The following CFAP20DC variants were observed in gnomAD, a reference collection of about 807,000 sequenced individuals.
The protein encoded by CFAP20DC is protein CFAP20DC.
Under a neutral mutation model 101.7 loss-of-function variants are expected in CFAP20DC, and 84 were observed. The observed-to-expected ratio is 0.83, with a 90% confidence interval of 0.69 to 0.99. The LOEUF (loss-of-function observed/expected upper bound fraction) is 0.99. Among genes scored for constraint, CFAP20DC ranks in the 50% least tolerant of loss-of-function variants. CFAP20DC has a pLI of 0.00. For missense variants in CFAP20DC, 1,007 were observed against 970.3 expected (o/e 1.04, Z -0.50); for synonymous variants, 359 against 351.2 (o/e 1.02, Z -0.25).
intron 2 of CFAP20DC, 113 bp downstream of exon 2, chr3:59,047,052 T>C: frequency 2.9e-6 from 2 of 686,914 alleles, no homozygotes; most frequent in Non-Finnish European, 4.9e-6. Context: ...TGAAAGGGTT[T>C]TGGAGTGAAA....
chr3:58,789,156 T>A (rs1321089936), intron 15 of CFAP20DC, among the ~76,000 whole-genome samples: 1 of 152,142 alleles, frequency 6.6e-6, no homozygotes, highest in Non-Finnish European at 1.5e-5. Flanking sequence ...TTTTAGAGAG[T>A]TATAAGGCAA....
chr3:58,855,770 G>T (rs1420219061), intron 12 of CFAP20DC, among the ~76,000 whole-genome samples: 2 of 147,020 alleles, frequency 1.4e-5, no homozygotes, highest in Non-Finnish European at 1.5e-5. Flanking sequence ...TCACTCATAG[G>T]TGGGAAATGA....
intron 12 of CFAP20DC, chr3:58,862,369 A>C (rs1575998303): frequency 7.1e-6 from 7 of 985,454 alleles, no homozygotes; most frequent in Non-Finnish European, 8.4e-6. Flanking sequence ...TATGTTATTA[A>C]AGGTGAAAGG....
intron 13 of CFAP20DC, among the ~76,000 whole-genome samples, chr3:58,839,761 C>T (rs1428231596): frequency 3.9e-5 from 6 of 152,100 alleles, no homozygotes; most frequent in Non-Finnish European, 5.9e-5. Context: ...CTAGAATTTC[C>T]GAAACTTTTG....
At chr3:58,778,138 C>T (rs575933106) in intron 15 of CFAP20DC, among the ~76,000 whole-genome samples, 6 of 152,292 alleles carry the variant, frequency 3.9e-5, no homozygotes, top group Non-Finnish European at 8.8e-5. Flanking sequence ...AAAGCAACCC[C>T]AGCCTGCTCA....
chr3:58,874,511 G>A lies in CFAP20DC; in HGVS notation c.716-4202C>T, dbSNP rs1316843136. Among the ~76,000 whole-genome samples, 2 of 152,208 alleles carry A rather than the reference G, an allele frequency of 1.3e-5. No homozygotes were observed. Among genetic ancestry groups the A allele is most frequent in the African/African-American group, 2.4e-5 (1 of 41,524 alleles). On this transcript the variant is annotated intron_variant, in intron 7 of 16. Coordinates refer to ENST00000482387, the MANE Select transcript of CFAP20DC (RefSeq NM_001394063.1). The surrounding 1 kb of genome is among the most constrained non-coding windows in gnomAD (Gnocchi z 5.1). Reference sequence around the variant, plus strand: ...TAACATTGCCCGCAAAACCCTGCATGTTCTGACATGTCTGAGTATCTTACA... The same window carrying A: ...TAACATTGCCCGCAAAACCCTGCATATTCTGACATGTCTGAGTATCTTACA...
At chr3:58,929,094 C>A (rs750349278) in intron 5 of CFAP20DC, among the ~76,000 whole-genome samples, 20 of 152,172 alleles carry the variant, frequency 1.3e-4, no homozygotes, top group Non-Finnish European at 2.5e-4. Flanking sequence ...AAACACGTAA[C>A]ACACATTCAT....
intron 15 of CFAP20DC, among the ~76,000 whole-genome samples, chr3:58,782,327 T>C (rs752268400): frequency 6.6e-6 from 1 of 151,994 alleles, no homozygotes; most frequent in African/African-American, 2.4e-5. Flanking sequence ...GCTAACATCA[T>C]ACTGAATAGG....
intron 6 of CFAP20DC, among the ~76,000 whole-genome samples, chr3:58,893,043 ATTTTT>A (rs1184405114): frequency 7.5e-6 from 1 of 132,456 alleles, no homozygotes; most frequent in Admixed American, 7.6e-5. Flanking sequence ...AACATGAAGG[ATTTTT>A]TTTTTTTTTT....
chr3:58,806,525 C>T, intron 14 of CFAP20DC, 69 bp from the exon 15 acceptor site: 1 of 1,097,998 alleles, frequency 9.1e-7, no homozygotes, highest in Non-Finnish European at 1.4e-6. Context: ...TTCACATGCA[C>T]TCTCATTACT....
At chr3:58,734,097 G>T (rs773364665) in intron 3 of CFAP20DC, among the ~76,000 whole-genome samples, 12 of 151,908 alleles carry the variant, frequency 7.9e-5, no homozygotes, top group Admixed American at 2.6e-4. Context: ...ATATCTGGTT[G>T]TTTAATAAAA....
At chr3:58,978,831 T>A (rs1352505036) in intron 4 of CFAP20DC, among the ~76,000 whole-genome samples, 1 of 151,866 alleles carries the variant, frequency 6.6e-6, no homozygotes, top group African/African-American at 2.4e-5. Context: ...AAGGAGCACA[T>A]GAGAAACATG....
intron 11 of CFAP20DC, 112 bp downstream of exon 11, chr3:58,866,454 C>G (rs1452937797): frequency 1.2e-6 from 1 of 820,252 alleles, no homozygotes; most frequent in South Asian, 2.3e-5. Context: ...CAAACTTACA[C>G]ATTTTAGCAA....
intron 7 of CFAP20DC, among the ~76,000 whole-genome samples, chr3:58,877,974 G>A (rs2080896018): frequency 6.6e-6 from 1 of 152,130 alleles, no homozygotes. Context: ...AGGGAGCAGG[G>A]CAAATTGAAG....
intron 15 of CFAP20DC, among the ~76,000 whole-genome samples, chr3:58,772,975 T>C (rs2070991446): frequency 6.6e-6 from 1 of 152,124 alleles, no homozygotes; most frequent in Admixed American, 6.6e-5. Context: ...AGACTTATTT[T>C]TTACTTTCTA....
intron 4 of CFAP20DC, among the ~76,000 whole-genome samples, chr3:58,995,401 A>G (rs2093085252): frequency 6.6e-6 from 1 of 152,058 alleles, no homozygotes; most frequent in Admixed American, 6.5e-5. Context: ...CACTATTTGT[A>G]GAAATTTTAA....
intron 4 of CFAP20DC, among the ~76,000 whole-genome samples, chr3:58,940,543 T>C (rs1191738525): frequency 6.6e-6 from 1 of 152,236 alleles, no homozygotes; most frequent in Non-Finnish European, 1.5e-5. Flanking sequence ...CTTTTTTCAC[T>C]GAAATGCCCT....
At chr3:58,770,084 T>G (rs2070703072) in intron 15 of CFAP20DC, among the ~76,000 whole-genome samples, 1 of 152,230 alleles carries the variant, frequency 6.6e-6, no homozygotes, top group Non-Finnish European at 1.5e-5. Flanking sequence ...TCCCTCAGGT[T>G]AAGAAAATAT....
chr3:58,796,892 G>C (rs1482725221), intron 15 of CFAP20DC, among the ~76,000 whole-genome samples: 2 of 152,160 alleles, frequency 1.3e-5, no homozygotes, highest in East Asian at 3.9e-4. Context: ...ATACGTGACA[G>C]TGATCTTTGA....
Sources: gnomAD v4.1 joint callset for allele counts (sites outside exome capture counted in the v4.1 genomes callset) on GRCh38, gnomAD v4.1.1 for gene constraint, Gnocchi (gnomAD v3.1) non-coding constraint, MANE v1.5 for transcripts, NCBI Gene and HGNC (gene_info 2026-07-23, HGNC 2026-07-21) for gene names.